ALDH1A1: variants seen among roughly 807,000 people sequenced by gnomAD.
The protein encoded by ALDH1A1 is aldehyde dehydrogenase 1 family member A1.
In ALDH1A1, 19 loss-of-function variants were observed where a neutral mutation model predicts 62.1. The observed-to-expected ratio is 0.31, with a 90% CI of 0.21 to 0.45. The LOEUF (loss-of-function observed/expected upper bound fraction) is 0.45, where lower values mean the gene tolerates loss of function less well. Ranked by LOEUF, ALDH1A1 falls within the 20% of genes least tolerant of loss-of-function variation. The pLI is 1.00. For synonymous variants in ALDH1A1, 231 were observed against 215.9 expected, an observed-to-expected ratio of 1.07 and a Z score of -0.61; for missense variants, 521 against 607.1, an observed-to-expected ratio of 0.86 and a Z score of 1.49.
At chr9:72,937,217 G>A (rs2210103) in intron 2 of ALDH1A1, among the ~76,000 whole-genome samples, 43,974 of 151,938 alleles carry the variant, frequency 0.29, 6,507 homozygotes, top group East Asian at 0.51. Flanking sequence ...TATATCTATC[G>A]AATATAGTAT....
In ALDH1A1 at chr9:72,909,447, C is replaced by T. The variant is rs374649223; in HGVS notation, c.1358+155G>A. On this transcript the variant is annotated intron_variant, in intron 11 of 12. Transcript: ENST00000297785. ...TGCTGGGATTACAGGCATGAGCCAC[C>T]GCACCCAGCCTTTTGTTTGTTTTTC... Among the ~76,000 whole-genome samples the T allele has an allele frequency of 2.0e-3, 309 of 152,200 alleles. 1 individual carries two copies. Among genetic ancestry groups the T allele is most frequent in the African/African-American group, 7.1e-3 (294 of 41,542 alleles).
chr9:72,944,346 C>T (rs1289733575), intron 1 of ALDH1A1, among the ~76,000 whole-genome samples: 1 of 152,010 alleles, frequency 6.6e-6, no homozygotes, highest in Non-Finnish European at 1.5e-5. Flanking sequence ...CAAACAGAGG[C>T]GTTTCAGCAT....
chr9:72,911,914 A>G lies in ALDH1A1; in HGVS notation c.1200+44T>C, dbSNP rs781178924. 1.9e-6 allele frequency: 3 copies of G among 1,609,772 alleles called. No individual in the cohort carries two copies. In the Admixed American group the frequency reaches 5.0e-5, roughly 27 times the overall value. ...ACACTTTGTATACACACAAACAGAC[A>G]AAACATGGCAACAAAAAGAACAGAA... On this transcript the variant is annotated intron_variant, in intron 10 of 12. Coordinates refer to ENST00000297785, the MANE Select transcript of ALDH1A1 (RefSeq NM_000689.5).
At chr9:72,907,812 A>G (rs539671024) in intron 11 of ALDH1A1, among the ~76,000 whole-genome samples, 31 of 152,354 alleles carry the variant, frequency 2.0e-4, no homozygotes, top group Admixed American at 1.8e-3. Flanking sequence ...TAATATACAT[A>G]CACACAGTAA....
At chr9:72,901,395 A>C in intron 12 of ALDH1A1, 115 bp from the exon 13 acceptor site, 1 of 665,360 alleles carries the variant, frequency 1.5e-6, no homozygotes, top group Non-Finnish European at 2.5e-6. Flanking sequence ...ACAATAGAAA[A>C]TATTTCTTGT....
chr9:72,936,665 T>C (rs1298801225), intron 2 of ALDH1A1, among the ~76,000 whole-genome samples: 2 of 152,202 alleles, frequency 1.3e-5, no homozygotes, highest in African/African-American at 2.4e-5. Flanking sequence ...GAATGGCTTA[T>C]AGGGCACAGG....
At chr9:72,904,303 A>T (rs1051067389) in intron 12 of ALDH1A1, among the ~76,000 whole-genome samples, 8 of 152,122 alleles carry the variant, frequency 5.3e-5, no homozygotes, top group Non-Finnish European at 8.8e-5. Context: ...ATGGCTTTTC[A>T]CTACTCCACT....
chr9:72,947,134 T>A (rs1421681617), intron 1 of ALDH1A1, among the ~76,000 whole-genome samples: 1 of 151,954 alleles, frequency 6.6e-6, no homozygotes, highest in Non-Finnish European at 1.5e-5. Flanking sequence ...CAAAACAACT[T>A]GCCAAGACAG....
At chr9:72,951,164 C>T (rs1484523371) in intron 1 of ALDH1A1, among the ~76,000 whole-genome samples, 2 of 151,828 alleles carry the variant, frequency 1.3e-5, no homozygotes, top group Non-Finnish European at 2.9e-5. Flanking sequence ...TTGAGTCTTG[C>T]CTTCTTTTGG....
In ALDH1A1 at chr9:72,953,012, C is replaced by A; in HGVS notation, c.-12G>T. 1 of 1,612,892 alleles carries A rather than the reference C, an allele frequency of 6.2e-7. No individual in the cohort carries two copies. Among genetic ancestry groups the A allele is most frequent in the South Asian group, 1.1e-5 (1 of 91,044 alleles). Reference sequence around the variant, plus strand: ...CCTGAGGATGACATTTCTGATTCGGCTCCTGGAACACAGGTGACTGGCTCA... The same window carrying A: ...CCTGAGGATGACATTTCTGATTCGGATCCTGGAACACAGGTGACTGGCTCA... On this transcript the variant is annotated 5_prime_UTR_variant, in exon 1 of 13. Transcript: ENST00000297785.
chr9:72,921,503 C>CTTTTTTTTTTTTTTTTTATTT (rs11327072), intron 7 of ALDH1A1, among the ~76,000 whole-genome samples: 12 of 109,498 alleles, frequency 1.1e-4, no homozygotes, highest in East Asian at 2.8e-4. Context: ...ACATTTAATT[C>CTTTTTTTTTTTTTTTTTATTT]TTTTTTTTTT....
chr9:72,922,497 G>C (rs1830156971), intron 7 of ALDH1A1, among the ~76,000 whole-genome samples: 1 of 152,238 alleles, frequency 6.6e-6, no homozygotes, highest in Middle Eastern at 3.4e-3. Context: ...GTAGGCATAG[G>C]ATCTAGACCA....
rs377732420 is a variant in ALDH1A1 at position 72,910,850 on chromosome 9, C to G, written c.1201-1091G>C. ...ATCTAATCCTATTTGAACATAGGAA[C>G]CATATACACAGCAGCTACTCTAATA... is the stretch of plus-strand genomic sequence containing the variant. On this transcript the variant is annotated intron_variant, in intron 10 of 12. Transcript: ENST00000297785. 3.4e-4 allele frequency among the ~76,000 whole-genome samples: 51 copies of G among 152,212 alleles called. No individual in the cohort carries two copies. In the South Asian group the frequency reaches 9.3e-3, roughly 28 times the overall value.
intron 1 of ALDH1A1, among the ~76,000 whole-genome samples, chr9:72,949,252 A>G (rs1830509255): frequency 2.0e-5 from 3 of 151,878 alleles, no homozygotes; most frequent in African/African-American, 2.4e-5. Context: ...CTCTTTTTCT[A>G]AGTTGGCTGC....
intron 4 of ALDH1A1, among the ~76,000 whole-genome samples, chr9:72,928,591 G>A (rs545346019): frequency 6.6e-6 from 1 of 152,186 alleles, no homozygotes; most frequent in African/African-American, 2.4e-5. Context: ...AAAAAGTTTG[G>A]GACCTTAGAG....
chr9:72,917,674 A>G (rs1372964222), intron 8 of ALDH1A1, among the ~76,000 whole-genome samples: 2 of 152,148 alleles, frequency 1.3e-5, no homozygotes, highest in Non-Finnish European at 1.5e-5. Flanking sequence ...TTCAAAATCT[A>G]TCTAAAGTAT....
chr9:72,919,577 A>G (rs936760649), intron 7 of ALDH1A1, among the ~76,000 whole-genome samples: 6 of 152,244 alleles, frequency 3.9e-5, no homozygotes, highest in African/African-American at 9.6e-5. Context: ...TATTATTTGT[A>G]TAGAAATACA....
chr9:72,913,646 T>A (rs984190004), intron 9 of ALDH1A1, among the ~76,000 whole-genome samples: 1 of 152,232 alleles, frequency 6.6e-6, no homozygotes, highest in Non-Finnish European at 1.5e-5. Flanking sequence ...ATCAAATCCC[T>A]GCATACATAC....
At chr9:72,905,116 T>C (rs879645785) in intron 12 of ALDH1A1, among the ~76,000 whole-genome samples, 1 of 152,158 alleles carries the variant, frequency 6.6e-6, no homozygotes, top group Non-Finnish European at 1.5e-5. Flanking sequence ...CACTTCCTAA[T>C]TACAAAATGA....
Sources: allele counts gnomAD v4.1 joint callset (sites outside exome capture counted in the v4.1 genomes callset), GRCh38; gene constraint gnomAD v4.1.1; transcripts MANE v1.5; gene names NCBI Gene and HGNC (gene_info 2026-07-23, HGNC 2026-07-21).